ITGB1: variants seen among roughly 807,000 people sequenced by gnomAD.
ITGB1 encodes integrin beta-1.
A neutral mutation model predicts 86.5 loss-of-function variants in ITGB1; 24 were observed. That is an observed-to-expected ratio of 0.28 (90% CI 0.20 to 0.39). ITGB1 has a LOEUF of 0.39. Ranked by LOEUF, ITGB1 falls within the 10% of genes least tolerant of loss-of-function variation. The probability of loss-of-function intolerance (pLI) is 1.00; values close to 1 mark genes in which losing one functional copy is unlikely to be tolerated. For synonymous variants in ITGB1, 323 were observed against 316.8 expected (o/e 1.02, Z -0.21); for missense variants, 556 against 946.9 (o/e 0.59, Z 5.42).
chr10:32,916,777 T>A (rs977920812), intron 11 of ITGB1, among the ~76,000 whole-genome samples: 3 of 152,192 alleles, frequency 2.0e-5, no homozygotes, highest in African/African-American at 4.8e-5. Flanking sequence ...CAAGGTAATT[T>A]AGAGATTCAA....
intron 11 of ITGB1, among the ~76,000 whole-genome samples, chr10:32,918,832 A>G (rs538328928): frequency 6.6e-6 from 1 of 151,710 alleles, no homozygotes; most frequent in Non-Finnish European, 1.5e-5. Flanking sequence ...ATGGAAGTTG[A>G]AAAAAAACAT....
chr10:32,905,596 C>A (rs1205647911), intron 15 of ITGB1, among the ~76,000 whole-genome samples: 1 of 152,198 alleles, frequency 6.6e-6, no homozygotes, highest in African/African-American at 2.4e-5. Context: ...GACTCTGGAG[C>A]CCAACTGCCT....
At position 32,935,484 on chromosome 10, in the gene ITGB1, G is replaced by T. The variant is rs767852329; in HGVS notation, c.67+8C>A. On this transcript the variant is annotated splice_region_variant and intron_variant, in intron 2 of 15. Coordinates refer to ENST00000302278, the MANE Select transcript of ITGB1 (RefSeq NM_002211.4). ...GAAAAGACAACTAAGAAAATTTTTT[G>T]TTTTTACCTGTTTGAGCAAACACAC... The T allele has an allele frequency of 6.2e-7, 1 of 1,604,968 alleles. No individual in the cohort carries two copies. The highest frequency in any genetic ancestry group is 8.5e-7 in the Non-Finnish European group (1 of 1,172,224).
chr10:32,906,915 C>T lies in ITGB1; in HGVS notation c.2331+1453G>A, dbSNP rs1484308682. Reference sequence around the variant, plus strand: ...ACTTATTTTACGGTCTTTCTAAACGCGAAGTTAACATACAAAAAGAAAAGC... The same window carrying T: ...ACTTATTTTACGGTCTTTCTAAACGTGAAGTTAACATACAAAAAGAAAAGC... On this transcript the variant is annotated intron_variant, in intron 15 of 15. Transcript: ENST00000302278. 10 of 456,228 alleles carry T rather than the reference C, an allele frequency of 2.2e-5. No homozygotes were observed. In the East Asian group the frequency reaches 3.9e-4, roughly 18 times the overall value. The allele number at this position is 456,228 out of a possible 1,614,324, so 28.3% of individuals were successfully genotyped here.
At position 32,947,173 on chromosome 10, in the gene ITGB1, G is replaced by C. The variant is rs186869493; in HGVS notation, c.-1+10972C>G. Among the ~76,000 whole-genome samples the C allele has an allele frequency of 9.2e-5, 14 of 152,048 alleles. No individual in the cohort carries two copies. The East Asian group carries it at 2.1e-3, about 23-fold the overall frequency. On this transcript the variant is annotated intron_variant, in intron 1 of 15. Coordinates refer to ENST00000302278, the MANE Select transcript of ITGB1 (RefSeq NM_002211.4). The stretch of plus-strand genomic sequence containing the variant: ...CATTCTTTATAAAACTTTCTATAAT[G>C]CCTCACTTGAATGTTAATATTATGT...
In ITGB1 at chr10:32,920,004, A is replaced by G. The variant is rs1593863964; in HGVS notation, c.1350T>C (p.Phe450=). The part of the protein sequence containing the change: ...SDSFKIRPLG[F]TEEVEVILQY... ...GAAGAATAACCTCTACTTCCTCCGT[A>G]AAGCCCAGAGGCCTAATTTTAAAGC... is the stretch of plus-strand genomic sequence containing the variant. Residue 450 remains phenylalanine (F), a synonymous_variant, in exon 11 of 16, where the codon TTT becomes TTC. Coordinates refer to ENST00000302278, the MANE Select transcript of ITGB1 (RefSeq NM_002211.4). 1 of 1,614,054 alleles carries G rather than the reference A, an allele frequency of 6.2e-7. No individual in the cohort carries two copies. The highest frequency in any genetic ancestry group is 1.1e-5 in the South Asian group (1 of 91,086).
chr10:32,931,499 T>G (rs1217288117), intron 3 of ITGB1, among the ~76,000 whole-genome samples: 1 of 152,136 alleles, frequency 6.6e-6, no homozygotes, highest in East Asian at 1.9e-4. Flanking sequence ...CATCCTCATT[T>G]TCAGATATGA....
At position 32,941,120 on chromosome 10, in the gene ITGB1, G is replaced by A. The variant is rs142812194; in HGVS notation, c.1-5562C>T. Reference sequence around the variant, plus strand: ...TTCAGTTAGACCTGAAGGCACATAGGAGATGGGTGTGGAGAAAAGTGGAGA... The same window carrying A: ...TTCAGTTAGACCTGAAGGCACATAGAAGATGGGTGTGGAGAAAAGTGGAGA... On this transcript the variant is annotated intron_variant, in intron 1 of 15. Coordinates refer to ENST00000302278, the MANE Select transcript of ITGB1 (RefSeq NM_002211.4). Among the ~76,000 whole-genome samples the A allele has an allele frequency of 5.9e-5, 9 of 152,276 alleles. No homozygotes were observed. The East Asian group carries it at 1.7e-3, about 29-fold the overall frequency.
At chr10:32,945,053 A>G (rs2095028072) in intron 1 of ITGB1, 2 of 532,514 alleles carry the variant, frequency 3.8e-6, no homozygotes, top group Admixed American at 5.4e-5. Context: ...TATTCCTTGA[A>G]TTTAAAAACT....
chr10:32,915,429 A>T (rs1203046159), intron 11 of ITGB1, among the ~76,000 whole-genome samples: 1 of 152,188 alleles, frequency 6.6e-6, no homozygotes, highest in Admixed American at 6.5e-5. Context: ...CAAGACTAAT[A>T]AAGAAGAAAA....
intron 11 of ITGB1, among the ~76,000 whole-genome samples, chr10:32,914,869 T>G (rs1018061281): frequency 2.6e-5 from 4 of 152,124 alleles, no homozygotes; most frequent in Non-Finnish European, 5.9e-5. Flanking sequence ...TACATTCTTC[T>G]CAGCCCCACA....
intron 1 of ITGB1, chr10:32,944,991 C>T (rs1308999657): frequency 7.3e-6 from 6 of 826,358 alleles, no homozygotes; most frequent in Non-Finnish European, 1.2e-5. Flanking sequence ...CAGAAAGCTG[C>T]CATTACTCCA....
rs574303054 is a variant in ITGB1, at chr10:32,948,304, T to C, written c.-1+9841A>G. Among the ~76,000 whole-genome samples the C allele has an allele frequency of 4.6e-5, 7 of 152,234 alleles. No homozygotes were observed. In the South Asian group the frequency reaches 1.0e-3, roughly 23 times the overall value. On this transcript the variant is annotated intron_variant, in intron 1 of 15. Transcript: ENST00000302278. The stretch of plus-strand genomic sequence containing the variant: ...TAAAAGCAGCAAAACCTTAAATATT[T>C]TATACTGACAAAATATTTAAGGTAG...
intron 11 of ITGB1, among the ~76,000 whole-genome samples, chr10:32,912,787 C>T (rs566789439): frequency 4.7e-4 from 71 of 152,304 alleles, no homozygotes; most frequent in African/African-American, 1.6e-3. Context: ...CTTAAACATC[C>T]GTGTCTGACA....
intron 11 of ITGB1, among the ~76,000 whole-genome samples, chr10:32,914,215 A>G (rs1215942019): frequency 6.6e-6 from 1 of 152,262 alleles, no homozygotes; most frequent in Admixed American, 6.5e-5. Flanking sequence ...AAAACATGCC[A>G]AATTGTAAAG....
At chr10:32,906,100 G>C (rs1285391235) in intron 15 of ITGB1, among the ~76,000 whole-genome samples, 1 of 151,808 alleles carries the variant, frequency 6.6e-6, no homozygotes, top group Non-Finnish European at 1.5e-5. Context: ...CATATATATG[G>C]TCTTCTGGCT....
In ITGB1 at chr10:32,944,372, T is replaced by G. The variant is rs371335417; in HGVS notation, c.1-8814A>C. 2.3e-4 allele frequency: 52 copies of G among 225,420 alleles called. No homozygotes were observed. In the South Asian group the frequency reaches 2.9e-3, roughly 13 times the overall value. The allele number at this position is 225,420 out of a possible 1,614,324, so 14.0% of individuals were successfully genotyped here. On this transcript the variant is annotated intron_variant, in intron 1 of 15. Transcript: ENST00000302278. Reference sequence around the variant, plus strand: ...GGCTGGGCCAAAGCCCTTGTTCGGGTGCGGCGTGGGCCTTGGTCTGTAAAG... The same window carrying G: ...GGCTGGGCCAAAGCCCTTGTTCGGGGGCGGCGTGGGCCTTGGTCTGTAAAG...
chr10:32,921,173 A>AC (rs1555220591), intron 9 of ITGB1, among the ~76,000 whole-genome samples: 1 of 151,424 alleles, frequency 6.6e-6, no homozygotes, highest in Non-Finnish European at 1.5e-5. Context: ...CAAAAAAAAA[A>AC]AAAAACAAAA....
chr10:32,940,007 C>T (rs1050295325), intron 1 of ITGB1, among the ~76,000 whole-genome samples: 1 of 152,148 alleles, frequency 6.6e-6, no homozygotes, highest in African/African-American at 2.4e-5. Flanking sequence ...GGACCTGGAC[C>T]TGCCTGAGGC....
Sources: gnomAD v4.1 joint callset for allele counts (sites outside exome capture counted in the v4.1 genomes callset) on GRCh38, gnomAD v4.1.1 for gene constraint, MANE v1.5 for transcripts, NCBI Gene and HGNC (gene_info 2026-07-23, HGNC 2026-07-21) for gene names.